RAPGEF6: variants seen among roughly 807,000 people sequenced by gnomAD.
The protein encoded by RAPGEF6 is PDZ domain containing guanine nucleotide exchange factor (GEF) 2.
In RAPGEF6, 56 loss-of-function variants were observed where a neutral mutation model predicts 171.4. The observed-to-expected ratio is 0.33, with a 90% CI of 0.26 to 0.41. RAPGEF6 has a LOEUF of 0.41. Among genes scored for constraint, RAPGEF6 ranks in the 10% least tolerant of loss-of-function variants. The pLI, the probability that RAPGEF6 is intolerant of heterozygous loss-of-function variation, is 1.00. For missense variants in RAPGEF6, 1,674 were observed against 1,921.4 expected, an observed-to-expected ratio of 0.87 and a Z score of 2.41; for synonymous variants, 692 against 650.1, an observed-to-expected ratio of 1.06 and a Z score of -0.98.
intron 5 of RAPGEF6, among the ~76,000 whole-genome samples, chr5:131,553,186 G>T (rs1296492401): frequency 1.3e-5 from 2 of 152,098 alleles, no homozygotes; most frequent in Non-Finnish European, 2.9e-5. Flanking sequence ...CACAGAGAAG[G>T]CCTAAAACTG....
In RAPGEF6 at chr5:131,581,976, T is replaced by G. The variant is rs151214455; in HGVS notation, c.281+10407A>C. Among the ~76,000 whole-genome samples, 52 of 152,292 alleles carry G rather than the reference T, an allele frequency of 3.4e-4. No homozygotes were observed. The South Asian group carries it at 3.5e-3, about 10-fold the overall frequency. ...GTAACATCCTCCCAGCCCTTGAGAATGTACTTTGTAATATCCATCCCCTGC... is the reference window on the plus strand; with the variant it reads ...GTAACATCCTCCCAGCCCTTGAGAAGGTACTTTGTAATATCCATCCCCTGC... On this transcript the variant is annotated intron_variant, in intron 4 of 27. Transcript: ENST00000509018.
At chr5:131,617,460 T>C (rs77356370) in intron 1 of RAPGEF6, among the ~76,000 whole-genome samples, 38 of 152,340 alleles carry the variant, frequency 2.5e-4, no homozygotes, top group Non-Finnish European at 4.6e-4. Flanking sequence ...ACACAAACGA[T>C]TGTTTTTTTG....
rs1388501277 is a variant in RAPGEF6, at chr5:131,619,032, A to G, written c.70-14339T>C. Among the ~76,000 whole-genome samples the G allele has an allele frequency of 1.8e-4, 27 of 151,596 alleles. 1 individual carries two copies. Among genetic ancestry groups the G allele is most frequent in the Admixed American group, 1.8e-3 (27 of 15,212 alleles). ...GCCGGCCAGGCTCTTCAAAAGTGCA[A>G]TGTTCATGAAAGGAAAAAAAAAAAA... On this transcript the variant is annotated intron_variant, in intron 1 of 27. Coordinates refer to ENST00000509018, the MANE Select transcript of RAPGEF6 (RefSeq NM_016340.6).
chr5:131,569,106 G>A (rs1313161083), intron 4 of RAPGEF6, among the ~76,000 whole-genome samples: 2 of 152,176 alleles, frequency 1.3e-5, no homozygotes, highest in Non-Finnish European at 2.9e-5. Flanking sequence ...AGCAAGCCAT[G>A]TTCATAGGCT....
chr5:131,596,020 G>A (rs1015258751), intron 3 of RAPGEF6, among the ~76,000 whole-genome samples: 12 of 151,952 alleles, frequency 7.9e-5, no homozygotes, highest in Admixed American at 2.0e-4. Flanking sequence ...TGGGTGTGGT[G>A]GTACGCGCCT....
At chr5:131,615,135 A>G (rs1161088284) in intron 1 of RAPGEF6, among the ~76,000 whole-genome samples, 1 of 152,236 alleles carries the variant, frequency 6.6e-6, no homozygotes, top group Non-Finnish European at 1.5e-5. Flanking sequence ...AGTGGGATCT[A>G]TGTCACTCTG....
Position 131,522,392 on chromosome 5 carries a change from T to C in RAPGEF6, c.496-871A>G, listed in dbSNP as rs908279046. On this transcript the variant is annotated intron_variant, in intron 6 of 27. Transcript: ENST00000509018. Reference sequence around the variant, plus strand: ...CAAATGATTTCTCTGCAACTTGCTATTCAGGGCTATCAAAATCAATTTAAT... The same window carrying C: ...CAAATGATTTCTCTGCAACTTGCTACTCAGGGCTATCAAAATCAATTTAAT... Among the ~76,000 whole-genome samples the C allele has an allele frequency of 8.5e-5, 13 of 152,322 alleles. 1 individual carries two copies. In the South Asian group the frequency reaches 2.7e-3, roughly 32 times the overall value.
At chr5:131,469,984 CAT>C (rs1213816068) in intron 17 of RAPGEF6, among the ~76,000 whole-genome samples, 29 of 152,032 alleles carry the variant, frequency 1.9e-4, no homozygotes, top group African/African-American at 7.0e-4. Context: ...GGCTGTTACA[CAT>C]GTCCTATAAT....
At chr5:131,588,479 C>T (rs1580631831) in intron 4 of RAPGEF6, among the ~76,000 whole-genome samples, 2 of 152,252 alleles carry the variant, frequency 1.3e-5, no homozygotes, top group South Asian at 4.1e-4. Context: ...TAGGGTGGCT[C>T]ACACTGTAAT....
chr5:131,430,747 G>C (rs1751649835), intron 26 of RAPGEF6, 112 bp downstream of exon 26: 1 of 1,378,120 alleles, frequency 7.3e-7, no homozygotes, highest in Non-Finnish European at 1.0e-6. Flanking sequence ...AGGAAAGAAA[G>C]GTTGTTAGAG....
intron 27 of RAPGEF6, among the ~76,000 whole-genome samples, chr5:131,427,651 C>T (rs909852266): frequency 1.3e-5 from 2 of 152,106 alleles, no homozygotes; most frequent in Non-Finnish European, 2.9e-5. Context: ...GCATTTGAAA[C>T]ACAGTTTCAA....
intron 24 of RAPGEF6, chr5:131,436,520 GA>G (rs901427442): frequency 5.4e-5 from 42 of 773,282 alleles, no homozygotes; most frequent in African/African-American, 3.7e-4. Flanking sequence ...TTAATGCATG[GA>G]AAAAAATCTA....
intron 24 of RAPGEF6, 47 bp from the exon 25 acceptor site, chr5:131,433,705 A>T: frequency 7.3e-7 from 1 of 1,362,730 alleles, no homozygotes; most frequent in Non-Finnish European, 1.0e-6. Context: ...AAGGGAACAT[A>T]TGGTGGGGGT....
intron 9 of RAPGEF6, among the ~76,000 whole-genome samples, chr5:131,506,084 T>A (rs1050931516): frequency 2.0e-5 from 3 of 152,250 alleles, no homozygotes; most frequent in African/African-American, 7.2e-5. Flanking sequence ...AAATTTCTCC[T>A]ACGTTAAGAA....
In RAPGEF6 at chr5:131,433,505, A is replaced by G; in HGVS notation, c.3899T>C (p.Val1300Ala). 1 of 1,613,912 alleles carries G rather than the reference A, an allele frequency of 6.2e-7. No homozygotes were observed. The highest frequency in any genetic ancestry group is 2.2e-5 in the East Asian group (1 of 44,878). ...DERCSSQALA[V>A]PESTGALEKT... is the part of the protein sequence containing the mutation. Reference sequence around the variant, plus strand: ...TTCCAATGCCCCAGTGGATTCAGGGACTGCCAGGGCCTGAGAGGAACACCG... The same window carrying G: ...TTCCAATGCCCCAGTGGATTCAGGGGCTGCCAGGGCCTGAGAGGAACACCG... The change falls in exon 25 of 28, where the codon GTC becomes GCC. Residue 1300 changes from valine (V) to alanine (A), a missense_variant. Physicochemically the swap from Val to Ala is moderately conservative, Grantham distance 64. This residue lies in a region of RAPGEF6 where 552 missense variants were observed against 574.2 expected (regional missense o/e 0.96). Coordinates refer to ENST00000509018, the MANE Select transcript of RAPGEF6 (RefSeq NM_016340.6).
In RAPGEF6 at chr5:131,512,279, G is replaced by A. The variant is rs189896465; in HGVS notation, c.628-1788C>T. ...CCAGAAACAGGCAGACGGGGCAGAC[G>A]TACCTGCAAGCATCCAGGTACCCTG... is the stretch of plus-strand genomic sequence containing the variant. On this transcript the variant is annotated intron_variant, in intron 7 of 27. Coordinates refer to ENST00000509018, the MANE Select transcript of RAPGEF6 (RefSeq NM_016340.6). Among the ~76,000 whole-genome samples, 360 of 152,158 alleles carry A rather than the reference G, an allele frequency of 2.4e-3. 7 individuals carry two copies. The highest frequency in any genetic ancestry group is 0.02 in the Admixed American group (303 of 15,292).
chr5:131,524,085 T>C (rs1758697652), intron 6 of RAPGEF6, among the ~76,000 whole-genome samples: 1 of 151,732 alleles, frequency 6.6e-6, no homozygotes, highest in South Asian at 2.1e-4. Flanking sequence ...AATTTTCAAA[T>C]AAAGAAAACT....
chr5:131,609,105 C>T (rs374306331), intron 1 of RAPGEF6, among the ~76,000 whole-genome samples: 2 of 152,146 alleles, frequency 1.3e-5, no homozygotes, highest in East Asian at 1.9e-4. Context: ...TGATCTTGCA[C>T]ACACTTGCTC....
In RAPGEF6 at chr5:131,425,936, A is replaced by C. The variant is rs949354957; in HGVS notation, c.*1330T>G. On this transcript the variant is annotated 3_prime_UTR_variant, in exon 28 of 28. Coordinates refer to ENST00000509018, the MANE Select transcript of RAPGEF6 (RefSeq NM_016340.6). ...AATTACAGAAGTTTATTAAAATTTC[A>C]CTTGCTTTTACATTAAAAAAACTGA... The C allele has an allele frequency of 1.6e-5, 2 of 122,302 alleles. No individual in the cohort carries two copies. Among genetic ancestry groups the C allele is most frequent in the African/African-American group, 6.9e-5 (2 of 28,948 alleles). The allele number at this position is 122,302 out of a possible 1,614,324, so 7.6% of individuals were successfully genotyped here.
Sources: gnomAD v4.1 joint callset for allele counts (sites outside exome capture counted in the v4.1 genomes callset) on GRCh38, gnomAD v4.1.1 for gene constraint, gnomAD v4.1.1 regional missense constraint, MANE v1.5 for transcripts, NCBI Gene and HGNC (gene_info 2026-07-23, HGNC 2026-07-21) for gene names.